Variants in ACP7 observed in about 807,000 individuals in gnomAD.
ACP7 encodes the protein acid phosphatase type 7.
Under a neutral mutation model 60.6 loss-of-function variants are expected in ACP7, and 58 were observed. The ratio of observed to expected loss-of-function variants is 0.96; its 90% CI spans 0.77 to 1.19. The LOEUF is 1.19. Among genes scored for constraint, ACP7 ranks in the 50% most tolerant of loss-of-function variants. The pLI, the probability that ACP7 is intolerant of heterozygous loss-of-function variation, is 0.00. For missense variants in ACP7, 574 were observed against 596.2 expected (o/e 0.96, Z 0.39); for synonymous variants, 237 against 232.6 (o/e 1.02, Z -0.17).
chr19:39,089,481 G>A (rs1442333237), intron 2 of ACP7, among the ~76,000 whole-genome samples: 1 of 152,076 alleles, frequency 6.6e-6, no homozygotes, highest in African/African-American at 2.4e-5. Flanking sequence ...AACATTTTAC[G>A]TAACCATGAA....
chr19:39,098,799 G>C, intron 3 of ACP7, 141 bp downstream of exon 3: 1 of 1,353,340 alleles, frequency 7.4e-7, no homozygotes. Context: ...TGAGACCCCA[G>C]GATGAAAACG....
Position 39,099,117 on chromosome 19 carries a change from C to T in ACP7, c.480C>T (p.Gly160=), listed in dbSNP as rs1319694508. 6.3e-7 allele frequency: 1 copy of T among 1,575,186 alleles called. No homozygotes were observed. Among genetic ancestry groups the T allele is most frequent in the Non-Finnish European group, 8.6e-7 (1 of 1,163,510 alleles). Residue 160 remains glycine (G), a synonymous_variant, in exon 4 of 13, where the codon GGC becomes GGT. Coordinates refer to ENST00000331256, the MANE Select transcript of ACP7 (RefSeq NM_001004318.3). ...VPRLRRDTQQ[G]MYDAVLHVGD... ...GGCTGCGCAGGGACACCCAGCAGGG[C>T]ATGTATGACGCCGTTCTCCATGTGG... is the stretch of plus-strand genomic sequence containing the variant.
At chr19:39,102,094 T>TGGG (rs912236161) in intron 11 of ACP7, among the ~76,000 whole-genome samples, 21 of 148,700 alleles carry the variant, frequency 1.4e-4, no homozygotes, top group Admixed American at 1.2e-3. Flanking sequence ...CACTCCAGCC[T>TGGG]GGGCAACAAA....
Position 39,100,637 on chromosome 19 carries a change from G to GT in ACP7, c.688dup (p.Tyr230LeufsTer44). The GT allele has an allele frequency of 6.2e-7, 1 of 1,613,966 alleles. No homozygotes were observed. Among genetic ancestry groups the GT allele is most frequent in the Non-Finnish European group, 8.5e-7 (1 of 1,179,936 alleles). ...TGCCGGGGGATAATGAGGGCCTGTG[G>GT]TACAGGTAATGTGGGGGTGCTGGGG... On this transcript the variant is annotated frameshift_variant, in exon 6 of 13. Transcript: ENST00000331256. LOFTEE classifies it high-confidence loss of function.
At chr19:39,088,908 G>A (rs1243606991) in intron 2 of ACP7, among the ~76,000 whole-genome samples, 1 of 151,376 alleles carries the variant, frequency 6.6e-6, no homozygotes, top group Non-Finnish European at 1.5e-5. Context: ...ACCATGCCTG[G>A]CTGATTTTTG....
At chr19:39,084,981 G>A (rs1600247370) in intron 1 of ACP7, 111 bp from the exon 2 acceptor site, 1 of 317,424 alleles carries the variant, frequency 3.2e-6, no homozygotes, top group African/African-American at 2.2e-5. Flanking sequence ...TAGCAATGTC[G>A]TGAGGCTTCC....
chr19:39,108,618 TG>T (rs1286334861), intron 12 of ACP7, among the ~76,000 whole-genome samples: 1 of 151,872 alleles, frequency 6.6e-6, no homozygotes. Context: ...AAGATAAAGA[TG>T]GGGGGTGGGA....
chr19:39,088,725 GGGTTTGTT>G (rs1327952875), intron 2 of ACP7, among the ~76,000 whole-genome samples: 1 of 122,842 alleles, frequency 8.1e-6, no homozygotes, highest in African/African-American at 3.9e-5. Flanking sequence ...CGATCTTTGT[GGGTTTGTT>G]TGTTTGTTTG....
intron 2 of ACP7, among the ~76,000 whole-genome samples, chr19:39,097,572 A>C (rs1180656678): frequency 1.0e-4 from 15 of 150,532 alleles, no homozygotes; most frequent in Non-Finnish European, 7.4e-5. Context: ...CTCTAAGAAA[A>C]AAAAAAAAAA....
chr19:39,101,288 G>C lies in ACP7; in HGVS notation c.974G>C (p.Gly325Ala). 1 of 1,614,208 alleles carries C rather than the reference G, an allele frequency of 6.2e-7. No individual in the cohort carries two copies. ...CTGATCCCCGCTTGCTCTATCTCAG[G>C]AGTGGATCTGCAGCTGTGGGCTCAT... is the stretch of plus-strand genomic sequence containing the variant. ...YGLEDLFYKYGVDLQLWAHEH... is the reference protein window; with the variant it reads ...YGLEDLFYKYAVDLQLWAHEH... Residue 325 changes from glycine (G) to alanine (A), a missense_variant and splice_region_variant, in exon 10 of 13, where the codon GGA becomes GCA. Gly to Ala is a moderately conservative substitution (Grantham distance 60, BLOSUM62 0). Transcript: ENST00000331256.
intron 12 of ACP7, among the ~76,000 whole-genome samples, chr19:39,109,217 T>C (rs1338951905): frequency 6.6e-6 from 1 of 152,108 alleles, no homozygotes; most frequent in Non-Finnish European, 1.5e-5. Context: ...GGGAAGTAAT[T>C]TTCCCAGGGT....
intron 2 of ACP7, among the ~76,000 whole-genome samples, chr19:39,094,090 G>T (rs1475279813): frequency 6.6e-6 from 1 of 152,128 alleles, no homozygotes; most frequent in Admixed American, 6.6e-5. Context: ...ACACCACACG[G>T]TATTTTTAAA....
At chr19:39,101,394 G>T in intron 10 of ACP7, 39 bp downstream of exon 10, 1 of 1,613,850 alleles carries the variant, frequency 6.2e-7, no homozygotes, top group Non-Finnish European at 8.5e-7. Flanking sequence ...CACAGCTGGG[G>T]TCAGGGTGGT....
At chr19:39,108,854 C>T (rs692349) in intron 12 of ACP7, among the ~76,000 whole-genome samples, 30,069 of 151,872 alleles carry the variant, frequency 0.2, 2,942 homozygotes, top group Non-Finnish European at 0.21. Context: ...AGAGTTTCAC[C>T]CTGTCGCCCA....
chr19:39,100,816 T>G lies in ACP7; in HGVS notation c.770T>G (p.Val257Gly), dbSNP rs1408339157. ...TTTCTCCATTATGGCCGCCACTTGG[T>G]ACAGAGGCAGTTTCGCTGGCTGGAG... ...YFFLHYGRHL[V>G]QRQFRWLESD... Residue 257 changes from valine to glycine, a missense_variant, in exon 7 of 13, where the codon GTA (valine) becomes GGA (glycine). Val to Gly is a moderately radical substitution (Grantham distance 109). Transcript: ENST00000331256. The G allele has an allele frequency of 1.9e-6, 3 of 1,613,954 alleles. No individual in the cohort carries two copies. In the South Asian group the frequency reaches 3.3e-5, roughly 18 times the overall value.
intron 11 of ACP7, among the ~76,000 whole-genome samples, chr19:39,102,007 C>T (rs925381042): frequency 6.6e-6 from 1 of 151,348 alleles, no homozygotes; most frequent in Non-Finnish European, 1.5e-5. Flanking sequence ...GTAATTTTAG[C>T]TATTCAAAAA....
rs115554833 is a variant in ACP7, at chr19:39,091,073, A to C, written c.121+5683A>C. The stretch of plus-strand genomic sequence containing the variant: ...TGTGAGCACTTCCTCACTTGATGAC[A>C]TCACAAATGATTCCAGGCTCCTCTT... On this transcript the variant is annotated intron_variant, in intron 2 of 12. Coordinates refer to ENST00000331256, the MANE Select transcript of ACP7 (RefSeq NM_001004318.3). Among the ~76,000 whole-genome samples the C allele has an allele frequency of 3.5e-3, 526 of 152,000 alleles. 2 individuals carry two copies. The highest frequency in any genetic ancestry group is 0.012 in the African/African-American group (500 of 41,474).
chr19:39,092,122 CA>C (rs1268989466), intron 2 of ACP7, among the ~76,000 whole-genome samples: 1 of 152,022 alleles, frequency 6.6e-6, no homozygotes, highest in Non-Finnish European at 1.5e-5. Context: ...CCTGTAATCT[CA>C]GCACTTTGGG....
intron 2 of ACP7, among the ~76,000 whole-genome samples, chr19:39,093,473 C>T (rs957781230): frequency 2.0e-5 from 3 of 151,810 alleles, no homozygotes; most frequent in Non-Finnish European, 4.4e-5. Flanking sequence ...AGGCTGGTCT[C>T]GAACTCCTGA....
Sources: gnomAD v4.1 joint callset for allele counts (sites outside exome capture counted in the v4.1 genomes callset) on GRCh38, gnomAD v4.1.1 for gene constraint, MANE v1.5 for transcripts, NCBI Gene and HGNC (gene_info 2026-07-23, HGNC 2026-07-21) for gene names.